UBE3D: variants seen among roughly 807,000 people sequenced by gnomAD.
UBE3D encodes E3 ubiquitin-protein ligase E3D.
In UBE3D, 48 loss-of-function variants were observed where a neutral mutation model predicts 49.6. That is an observed-to-expected ratio of 0.97 (90% confidence interval 0.77 to 1.23). The LOEUF (loss-of-function observed/expected upper bound fraction) is 1.23. UBE3D is among the 50% of genes most tolerant of loss of function. The pLI, the probability that UBE3D is intolerant of heterozygous loss-of-function variation, is 0.00. For missense variants in UBE3D, 452 were observed against 468.4 expected, an observed-to-expected ratio of 0.96 and a Z score of 0.32; for synonymous variants, 189 against 174.2, an observed-to-expected ratio of 1.08 and a Z score of -0.67.
chr6:83,054,511 C>T (rs1417569603), intron 2 of UBE3D, among the ~76,000 whole-genome samples: 1 of 152,116 alleles, frequency 6.6e-6, no homozygotes, highest in Admixed American at 6.5e-5. Context: ...CTAAAAATAC[C>T]AACATTAAGG....
chr6:82,909,816 G>A (rs141713870), intron 9 of UBE3D, among the ~76,000 whole-genome samples: 65 of 152,178 alleles, frequency 4.3e-4, no homozygotes, highest in African/African-American at 1.4e-3. Context: ...TGACAACATC[G>A]CACTGTGCAG....
At chr6:83,045,276 T>G (rs1207487893) in intron 3 of UBE3D, among the ~76,000 whole-genome samples, 1 of 151,708 alleles carries the variant, frequency 6.6e-6, no homozygotes, top group Non-Finnish European at 1.5e-5. Flanking sequence ...AATCTATAAT[T>G]CTTCCACTCA....
intron 9 of UBE3D, among the ~76,000 whole-genome samples, chr6:82,915,044 C>G (rs1344821097): frequency 1.3e-5 from 2 of 152,110 alleles, no homozygotes; most frequent in Non-Finnish European, 2.9e-5. Context: ...GGAATGCTCT[C>G]CCTTCCATTT....
intron 7 of UBE3D, among the ~76,000 whole-genome samples, chr6:83,021,877 A>C (rs1781121473): frequency 6.6e-6 from 1 of 152,072 alleles, no homozygotes; most frequent in South Asian, 2.1e-4. Flanking sequence ...TCAAAAAAAA[A>C]ACAAAAAACA....
At chr6:82,969,025 C>G (rs1562134051) in intron 8 of UBE3D, among the ~76,000 whole-genome samples, 1 of 152,020 alleles carries the variant, frequency 6.6e-6, no homozygotes, top group African/African-American at 2.4e-5. Context: ...CAATTGAAAT[C>G]AGGAAGTAGA....
intron 5 of UBE3D, among the ~76,000 whole-genome samples, chr6:83,028,276 G>A (rs1456878560): frequency 1.3e-5 from 2 of 152,098 alleles, no homozygotes; most frequent in East Asian, 3.9e-4. Flanking sequence ...GTTTACTTGT[G>A]TGCCTATTTA....
the UBE3D span, among the ~76,000 whole-genome samples, chr6:82,885,278 A>G: frequency 1.3e-5 from 2 of 152,010 alleles, no homozygotes; most frequent in African/African-American, 4.8e-5. Context: ...TCCTCAACCT[A>G]CCTTGTGCTC....
At chr6:82,927,754 GT>G (rs34047163) in intron 9 of UBE3D, among the ~76,000 whole-genome samples, 96,526 of 145,324 alleles carry the variant, frequency 0.66, 32,157 homozygotes, top group East Asian at 0.79. Context: ...GTTTGGGAGG[GT>G]TTTTTTTTTT....
chr6:82,892,655 A>G lies in UBE3D; in HGVS notation c.*367T>C, dbSNP rs575381143. The G allele has an allele frequency of 9.1e-6, 2 of 219,342 alleles. No homozygotes were observed. The highest frequency in any genetic ancestry group is 5.2e-5 in the Admixed American group (1 of 19,344). The allele number at this position is 219,342 out of a possible 1,614,324, so 13.6% of individuals were successfully genotyped here. ...CAGCAGTTAACATTCAGTTCCACCA[A>G]TAAAATTCCTCACTGGATTCCACAC... On this transcript the variant is annotated 3_prime_UTR_variant, in exon 10 of 10. Transcript: ENST00000369747.
chr6:83,004,651 T>C (rs1779851833), intron 8 of UBE3D, among the ~76,000 whole-genome samples: 1 of 152,228 alleles, frequency 6.6e-6, no homozygotes, highest in Non-Finnish European at 1.5e-5. Context: ...TGTCAATTCA[T>C]TCATTCATTT....
chr6:83,033,016 AC>A (rs1212948023), intron 5 of UBE3D, among the ~76,000 whole-genome samples: 3 of 152,104 alleles, frequency 2.0e-5, no homozygotes, highest in Admixed American at 6.5e-5. Context: ...ACAGACTAAT[AC>A]AGTTTCATTG....
intron 9 of UBE3D, among the ~76,000 whole-genome samples, chr6:82,906,599 C>A (rs1463853777): frequency 3.3e-5 from 5 of 152,142 alleles, no homozygotes; most frequent in African/African-American, 1.2e-4. Context: ...TCCCAAGAAA[C>A]ATGGTTCCTT....
chr6:83,015,784 G>A (rs1388099712), intron 8 of UBE3D, among the ~76,000 whole-genome samples: 4 of 152,138 alleles, frequency 2.6e-5, no homozygotes, highest in Non-Finnish European at 5.9e-5. Flanking sequence ...GAGGCCATAA[G>A]GGGAGGCCTG....
chr6:83,014,519 G>T (rs1334757916), intron 8 of UBE3D, among the ~76,000 whole-genome samples: 1 of 152,172 alleles, frequency 6.6e-6, no homozygotes, highest in Non-Finnish European at 1.5e-5. Flanking sequence ...CCCACTGTAA[G>T]TCAGACCTGA....
chr6:82,935,108 G>A (rs1226750610), intron 9 of UBE3D, among the ~76,000 whole-genome samples: 1 of 150,594 alleles, frequency 6.6e-6, no homozygotes, highest in Non-Finnish European at 1.5e-5. Context: ...GGTTCTGCAG[G>A]CTTTATAGGA....
intron 4 of UBE3D, among the ~76,000 whole-genome samples, chr6:83,043,878 G>A (rs1480970044): frequency 6.6e-6 from 1 of 152,136 alleles, no homozygotes; most frequent in Non-Finnish European, 1.5e-5. Context: ...AGCAACTTAT[G>A]CAGCAAGAGC....
At chr6:82,995,310 T>C (rs563476244) in intron 8 of UBE3D, among the ~76,000 whole-genome samples, 22 of 152,306 alleles carry the variant, frequency 1.4e-4, no homozygotes, top group African/African-American at 2.4e-4. Context: ...TAAAAGCATA[T>C]GTGGACATGC....
chr6:82,911,284 C>T (rs548151168), intron 9 of UBE3D, among the ~76,000 whole-genome samples: 1 of 144,176 alleles, frequency 6.9e-6, no homozygotes, highest in South Asian at 2.3e-4. Flanking sequence ...TAATGCAAGA[C>T]TTGATCATCA....
In UBE3D at chr6:83,028,803, A is replaced by C. The variant is rs111380425; in HGVS notation, c.668-4765T>G. On this transcript the variant is annotated intron_variant, in intron 5 of 9. Transcript: ENST00000369747. Reference sequence around the variant, plus strand: ...TATCATTTCTTGTACAGCAGGTACGATAGGAATCCATTATTTCCATGTATT... The same window carrying C: ...TATCATTTCTTGTACAGCAGGTACGCTAGGAATCCATTATTTCCATGTATT... 9.6e-3 allele frequency among the ~76,000 whole-genome samples: 1,468 copies of C among 152,236 alleles called. 21 individuals carry two copies. The highest frequency in any genetic ancestry group is 0.034 in the African/African-American group (1,392 of 41,538).
Sources: allele counts gnomAD v4.1 joint callset (sites outside exome capture counted in the v4.1 genomes callset), GRCh38; gene constraint gnomAD v4.1.1; transcripts MANE v1.5; gene names NCBI Gene and HGNC (gene_info 2026-07-23, HGNC 2026-07-21).